The following SCN8A variants were observed in gnomAD, a reference collection of about 807,000 sequenced individuals.
SCN8A encodes the protein sodium voltage-gated channel alpha subunit 8, also known as sodium channel protein type 8 subunit alpha.
A neutral mutation model predicts 184.1 loss-of-function variants in SCN8A; 30 were observed. That is an observed-to-expected ratio of 0.16 (90% confidence interval 0.12 to 0.22). The LOEUF (loss-of-function observed/expected upper bound fraction) is 0.22. Among genes scored for constraint, SCN8A ranks in the 10% least tolerant of loss-of-function variants. The pLI is 1.00. For missense variants in SCN8A, 1,057 were observed against 2,498.9 expected, an observed-to-expected ratio of 0.42 and a Z score of 12.30; for synonymous variants, 852 against 907.0, an observed-to-expected ratio of 0.94 and a Z score of 1.09.
At chr12:51,661,444 A>T (rs1940923426) in intron 1 of SCN8A, among the ~76,000 whole-genome samples, 1 of 152,094 alleles carries the variant, frequency 6.6e-6, no homozygotes, top group Admixed American at 6.6e-5. Context: ...AGCAATCACC[A>T]CTGCTCCAGA....
intron 12 of SCN8A, among the ~76,000 whole-genome samples, chr12:51,735,390 G>C (rs1235090394): frequency 6.6e-6 from 1 of 151,990 alleles, no homozygotes; most frequent in East Asian, 1.9e-4. Context: ...TTTCTAACTG[G>C]GTCCAATCCT....
chr12:51,716,321 C>T (rs1215213032), intron 11 of SCN8A, among the ~76,000 whole-genome samples: 1 of 152,162 alleles, frequency 6.6e-6, no homozygotes, highest in Non-Finnish European at 1.5e-5. Context: ...TATTGCACTC[C>T]AGCCCAGGCA....
intron 1 of SCN8A, among the ~76,000 whole-genome samples, chr12:51,626,906 A>G (rs573544684): frequency 1.3e-5 from 2 of 151,958 alleles, no homozygotes; most frequent in Admixed American, 6.6e-5. Context: ...GAGTTTTCAC[A>G]TTCATGAACA....
chr12:51,741,365 G>T (rs1942420961), intron 12 of SCN8A, among the ~76,000 whole-genome samples: 1 of 152,136 alleles, frequency 6.6e-6, no homozygotes, highest in Non-Finnish European at 1.5e-5. Context: ...TAGGTGAAGT[G>T]TGTTTCTTGT....
intron 12 of SCN8A, among the ~76,000 whole-genome samples, chr12:51,724,532 T>TA (rs1942125933): frequency 1.3e-5 from 2 of 152,236 alleles, no homozygotes; most frequent in African/African-American, 2.4e-5. Flanking sequence ...TACTTATCTT[T>TA]ACATTTAATT....
intron 1 of SCN8A, among the ~76,000 whole-genome samples, chr12:51,592,894 T>C: frequency 6.6e-6 from 1 of 152,120 alleles, no homozygotes; most frequent in East Asian, 1.9e-4. Context: ...TCTGCACTTC[T>C]CTTTTCTCCA....
At chr12:51,666,477 G>A (rs1941035603) in intron 2 of SCN8A, among the ~76,000 whole-genome samples, 1 of 152,126 alleles carries the variant, frequency 6.6e-6, no homozygotes. Context: ...AAGCACACTG[G>A]GAATTAACCC....
chr12:51,605,205 G>A (rs1939561756), intron 1 of SCN8A, among the ~76,000 whole-genome samples: 1 of 150,590 alleles, frequency 6.6e-6, no homozygotes, highest in South Asian at 2.1e-4. Context: ...AGATTTTGGT[G>A]TACCCATCAC....
At chr12:51,593,561 C>T (rs547972882) in intron 1 of SCN8A, among the ~76,000 whole-genome samples, 187 of 152,284 alleles carry the variant, frequency 1.2e-3, no homozygotes, top group African/African-American at 4.2e-3. Context: ...AGAATTTTTT[C>T]TCCTGGTCCA....
chr12:51,732,866 C>G (rs1180929702), intron 12 of SCN8A, among the ~76,000 whole-genome samples: 2 of 151,792 alleles, frequency 1.3e-5, no homozygotes, highest in Non-Finnish European at 2.9e-5. Context: ...GATTGTCCAC[C>G]TTTGGCATAT....
intron 2 of SCN8A, among the ~76,000 whole-genome samples, chr12:51,676,140 G>T (rs944404980): frequency 1.3e-5 from 2 of 152,004 alleles, no homozygotes; most frequent in Non-Finnish European, 2.9e-5. Flanking sequence ...GCCTAGGGAA[G>T]AATTTTGCTG....
intron 14 of SCN8A, among the ~76,000 whole-genome samples, chr12:51,755,313 A>G (rs1171692792): frequency 6.6e-6 from 1 of 152,248 alleles, no homozygotes; most frequent in Non-Finnish European, 1.5e-5. Context: ...TCTGAGTTAC[A>G]ATCCATTTGA....
rs149334030 is a variant in SCN8A at position 51,810,540 on chromosome 12, AAATAT to A, written c.*3119_*3123del. 3,242 of 184,664 alleles carry A rather than the reference AAATAT, an allele frequency of 0.018. 101 individuals carry two copies. The highest frequency in any genetic ancestry group is 0.07 in the African/African-American group (2,930 of 41,804). 11.4% of individuals were successfully genotyped at this position (184,664 alleles called of 1,614,324 possible). A position where few individuals can be genotyped will look rare whatever the true frequency, so the allele number is the denominator to read the frequency against. ...ACTGCACATATATATATAGATATAT[AAATAT>A]AATATAAATATTTATTTTTTGTAGC... On this transcript the variant is annotated 3_prime_UTR_variant, in exon 27 of 27. Transcript: ENST00000627620.
intron 1 of SCN8A, among the ~76,000 whole-genome samples, chr12:51,653,740 A>G (rs190485710): frequency 6.6e-6 from 1 of 152,182 alleles, no homozygotes; most frequent in Admixed American, 6.5e-5. Flanking sequence ...GAGGAACTGC[A>G]GTAATGTTTT....
chr12:51,810,319 ACT>A lies in SCN8A; in HGVS notation c.*2896_*2897del. 3 of 325,950 alleles carry A rather than the reference ACT, an allele frequency of 9.2e-6. No individual in the cohort carries two copies. The highest frequency in any genetic ancestry group is 7.7e-4 in the Middle Eastern group (2 of 2,598). 20.2% of individuals were successfully genotyped at this position (325,950 alleles called of 1,614,324 possible). A position where few individuals can be genotyped will look rare whatever the true frequency, so the allele number is the denominator to read the frequency against. On this transcript the variant is annotated 3_prime_UTR_variant, in exon 27 of 27. Coordinates refer to ENST00000627620, the MANE Select transcript of SCN8A (RefSeq NM_001330260.2). ...TGTCCTTCCACCTGCTCACTCACTC[ACT>A]CTCTCACCCATCCTGCTCCACACTT... is the stretch of plus-strand genomic sequence containing the variant.
Position 51,769,103 on chromosome 12 carries a change from A to T in SCN8A, c.3140A>T (p.Asn1047Ile). The T allele has an allele frequency of 6.2e-7, 1 of 1,613,738 alleles. No individual in the cohort carries two copies. Residue 1047 changes from asparagine to isoleucine, a missense_variant, in exon 17 of 27, where the codon AAT becomes ATT. Asn to Ile is a moderately radical substitution (Grantham distance 149). Transcript: ENST00000627620. The stretch of plus-strand genomic sequence containing the variant: ...GAAAAGAAGGCCAACTGTATCGCCA[A>T]TCACACCGGTGCAGACATCCACCGG... ...LYEKKANCIA[N>I]HTGADIHRNG...
At chr12:51,779,955 A>T (rs751612978) in intron 20 of SCN8A, among the ~76,000 whole-genome samples, 120 of 151,538 alleles carry the variant, frequency 7.9e-4, no homozygotes, top group Non-Finnish European at 1.2e-3. Flanking sequence ...TATTTAAAAG[A>T]TAGAGATAGA....
At chr12:51,595,821 G>A (rs1939335962) in intron 1 of SCN8A, among the ~76,000 whole-genome samples, 1 of 152,216 alleles carries the variant, frequency 6.6e-6, no homozygotes, top group Non-Finnish European at 1.5e-5. Context: ...CTGAAAAGCA[G>A]ACGGATGCTT....
Position 51,811,062 on chromosome 12 carries a change from G to A in SCN8A, c.*3633G>A, listed in dbSNP as rs1357599978. ...GATAAAAAGTCCATCACTCCTCTAAGCCAAAAGGAAACAAAATAAAAATGA... is the reference window on the plus strand; with the variant it reads ...GATAAAAAGTCCATCACTCCTCTAAACCAAAAGGAAACAAAATAAAAATGA... On this transcript the variant is annotated 3_prime_UTR_variant, in exon 27 of 27. Transcript: ENST00000627620. 1 of 152,180 alleles carries A rather than the reference G, an allele frequency of 6.6e-6. No homozygotes were observed. Among genetic ancestry groups the A allele is most frequent in the Non-Finnish European group, 1.5e-5 (1 of 68,046 alleles). The allele number at this position is 152,180 out of a possible 1,614,324, so 9.4% of individuals were successfully genotyped here.
Sources: gnomAD v4.1 joint callset for allele counts (sites outside exome capture counted in the v4.1 genomes callset) on GRCh38, gnomAD v4.1.1 for gene constraint, MANE v1.5 for transcripts, NCBI Gene and HGNC (gene_info 2026-07-23, HGNC 2026-07-21) for gene names.